The following PRKN variants were observed in gnomAD, a reference collection of about 807,000 sequenced individuals.
PRKN encodes E3 ubiquitin-protein ligase parkin.
Under a neutral mutation model 59.5 loss-of-function variants are expected in PRKN, and 56 were observed. That is an observed-to-expected ratio of 0.94 (90% confidence interval 0.76 to 1.18). The LOEUF (loss-of-function observed/expected upper bound fraction) is 1.18, where lower values mean the gene tolerates loss of function less well. PRKN is among the 50% of genes most tolerant of loss of function. PRKN has a pLI of 0.00. For missense variants in PRKN, 657 were observed against 596.4 expected (o/e 1.10, Z -1.06); for synonymous variants, 250 against 222.1 (o/e 1.13, Z -1.12).
chr6:162,675,993 A>G (rs1428324023), intron 1 of PRKN, among the ~76,000 whole-genome samples: 4 of 152,214 alleles, frequency 2.6e-5, no homozygotes, highest in East Asian at 1.9e-4. Context: ...GCAATTTCAA[A>G]TCAGCAAGAA....
intron 4 of PRKN, among the ~76,000 whole-genome samples, chr6:162,142,097 A>T (rs1781811371): frequency 6.6e-6 from 1 of 152,230 alleles, no homozygotes; most frequent in South Asian, 2.1e-4. Context: ...CAAAACTCAG[A>T]TACGAAACTG....
chr6:161,764,788 A>G (rs1456353394), intron 7 of PRKN, among the ~76,000 whole-genome samples: 1 of 152,234 alleles, frequency 6.6e-6, no homozygotes, highest in Admixed American at 6.5e-5. Flanking sequence ...AGTACTTGGT[A>G]TTAAATCCCT....
At chr6:161,756,481 C>T (rs1228957400) in intron 7 of PRKN, among the ~76,000 whole-genome samples, 2 of 145,744 alleles carry the variant, frequency 1.4e-5, no homozygotes, top group African/African-American at 5.1e-5. Context: ...CACTTTCTCT[C>T]AGCTTTTAAT....
intron 6 of PRKN, among the ~76,000 whole-genome samples, chr6:161,799,766 G>T (rs1301970384): frequency 1.3e-5 from 2 of 152,364 alleles, no homozygotes; most frequent in East Asian, 3.9e-4. Flanking sequence ...CTGGTGCACT[G>T]CCCATGCTGG....
rs187522219 is a variant in PRKN at position 162,414,559 on chromosome 6, A to T, written c.171+28751T>A. On this transcript the variant is annotated intron_variant, in intron 2 of 11. Transcript: ENST00000366898. ...CTATCTCTACTAAAATACAAAAAAAAAATTAGCCGCGCATGGTTGGTGGTG... is the reference window on the plus strand; with the variant it reads ...CTATCTCTACTAAAATACAAAAAAATAATTAGCCGCGCATGGTTGGTGGTG... Among the ~76,000 whole-genome samples the T allele has an allele frequency of 6.6e-5, 10 of 151,478 alleles. 1 individual carries two copies. The highest frequency in any genetic ancestry group is 2.4e-4 in the African/African-American group (10 of 41,196).
chr6:161,716,099 G>C (rs765971432), intron 7 of PRKN: 3 of 1,347,884 alleles, frequency 2.2e-6, no homozygotes, highest in Non-Finnish European at 2.9e-6. Context: ...AATCCCCCCA[G>C]AGCTCCTCTA....
At chr6:162,284,742 C>T (rs1781104957) in intron 2 of PRKN, among the ~76,000 whole-genome samples, 1 of 152,146 alleles carries the variant, frequency 6.6e-6, no homozygotes, top group Non-Finnish European at 1.5e-5. Flanking sequence ...TACATCTGGG[C>T]CACAGACTAG....
intron 1 of PRKN, among the ~76,000 whole-genome samples, chr6:162,708,890 A>C (rs1778428717): frequency 6.6e-6 from 1 of 152,196 alleles, no homozygotes; most frequent in Non-Finnish European, 1.5e-5. Context: ...AGTGGTGGGC[A>C]AGCGGAGCCA....
At position 161,413,081 on chromosome 6, in the gene PRKN, C is replaced by T. The variant is rs528515037; in HGVS notation, c.1084-26204G>A. Among the ~76,000 whole-genome samples, 1 of 152,330 alleles carries T rather than the reference C, an allele frequency of 6.6e-6. No individual in the cohort carries two copies. The highest frequency in any genetic ancestry group is 1.9e-4 in the East Asian group (1 of 5,184). On this transcript the variant is annotated intron_variant, in intron 9 of 11. Coordinates refer to ENST00000366898, the MANE Select transcript of PRKN (RefSeq NM_004562.3). The surrounding 1 kb of genome is among the most constrained non-coding windows in gnomAD (Gnocchi z 4.4). ...TTGAGCTTTATTCTGGCAGCAAATT[C>T]AGCTCCTTTGGAAATTATATTACCT...
chr6:162,111,205 C>A (rs781236548), intron 4 of PRKN, among the ~76,000 whole-genome samples: 2 of 152,122 alleles, frequency 1.3e-5, no homozygotes, highest in Admixed American at 6.6e-5. Context: ...GTAGATCACG[C>A]CTTTAATCCC....
chr6:162,495,739 A>G (rs1793037600), intron 1 of PRKN, among the ~76,000 whole-genome samples: 1 of 152,090 alleles, frequency 6.6e-6, no homozygotes, highest in Admixed American at 6.5e-5. Context: ...TCTTTCCCTG[A>G]TGGCACTCAG....
chr6:162,526,884 T>C (rs2128195143), intron 1 of PRKN, among the ~76,000 whole-genome samples: 1 of 152,258 alleles, frequency 6.6e-6, no homozygotes, highest in African/African-American at 2.4e-5. Context: ...ATTCCTAGGT[T>C]AGCCCTTTAA....
At position 161,891,178 on chromosome 6, in the gene PRKN, G is replaced by C. The variant is rs1352393010; in HGVS notation, c.734+82124C>G. 2.6e-5 allele frequency among the ~76,000 whole-genome samples: 4 copies of C among 152,104 alleles called. No homozygotes were observed. In the East Asian group the frequency reaches 7.7e-4, roughly 29 times the overall value. Reference sequence around the variant, plus strand: ...GCCGTGTTTAAAAGCACGGGGAGAGGGTGTTCCGGAGGCGGACCCCAGGGG... The same window carrying C: ...GCCGTGTTTAAAAGCACGGGGAGAGCGTGTTCCGGAGGCGGACCCCAGGGG... On this transcript the variant is annotated intron_variant, in intron 6 of 11. Coordinates refer to ENST00000366898, the MANE Select transcript of PRKN (RefSeq NM_004562.3).
intron 6 of PRKN, among the ~76,000 whole-genome samples, chr6:161,831,113 C>T (rs547594880): frequency 1.3e-5 from 2 of 152,164 alleles, no homozygotes; most frequent in African/African-American, 4.8e-5. Flanking sequence ...CTAACTGGCC[C>T]ATAAAGGGGA....
At chr6:162,722,987 T>C (rs572748149) in intron 1 of PRKN, among the ~76,000 whole-genome samples, 1 of 152,218 alleles carries the variant, frequency 6.6e-6, no homozygotes. Context: ...TACTTAGGCA[T>C]AGAGCTGGTT....
At chr6:162,171,709 GC>G (rs1426515809) in intron 4 of PRKN, among the ~76,000 whole-genome samples, 1 of 151,970 alleles carries the variant, frequency 6.6e-6, no homozygotes, top group African/African-American at 2.4e-5. Flanking sequence ...ACTGCCCCTG[GC>G]CCATGACTCT....
intron 7 of PRKN, among the ~76,000 whole-genome samples, chr6:161,775,796 C>T (rs1472000507): frequency 6.6e-6 from 1 of 152,076 alleles, no homozygotes; most frequent in African/African-American, 2.4e-5. Context: ...CCCTAGGCAT[C>T]GAGAATATCT....
chr6:161,570,140 A>ATATATATAT (rs1358601920), intron 7 of PRKN, among the ~76,000 whole-genome samples: 1 of 133,414 alleles, frequency 7.5e-6, no homozygotes, highest in Non-Finnish European at 1.6e-5. Context: ...AAAAAAAAAA[A>ATATATATAT]AAAAAAATAT....
At chr6:161,700,960 AT>A (rs1189739503) in intron 7 of PRKN, among the ~76,000 whole-genome samples, 1 of 152,140 alleles carries the variant, frequency 6.6e-6, no homozygotes, top group Non-Finnish European at 1.5e-5. Context: ...CTGGTGTTTT[AT>A]TTTGTTTGTC....
Sources: gnomAD v4.1 joint callset for allele counts (sites outside exome capture counted in the v4.1 genomes callset) on GRCh38, gnomAD v4.1.1 for gene constraint, Gnocchi (gnomAD v3.1) non-coding constraint, MANE v1.5 for transcripts, NCBI Gene and HGNC (gene_info 2026-07-23, HGNC 2026-07-21) for gene names.